The following C8B variants were observed in gnomAD, a reference collection of about 807,000 sequenced individuals.
C8B encodes the protein complement component C8 beta chain.
C8B carries 67 observed loss-of-function variants against 64.6 expected under a neutral mutation model. That is an observed-to-expected ratio of 1.04 (90% CI 0.85 to 1.27). The LOEUF (loss-of-function observed/expected upper bound fraction) is 1.27. Ranked by LOEUF, C8B falls within the 50% of genes most tolerant of loss-of-function variation. The pLI is 0.00. For synonymous variants in C8B, 284 were observed against 257.7 expected, an observed-to-expected ratio of 1.10 and a Z score of -0.98; for missense variants, 790 against 725.2, an observed-to-expected ratio of 1.09 and a Z score of -1.03.
At position 56,946,071 on chromosome 1, in the gene C8B, AT is replaced by A. The variant is rs1644937882; in HGVS notation, c.865-11del. ...GCAGAAATACGCTTTTCTAAATGAA[AT>A]ACCAACATGGGAAAACCAGACCTTT... On this transcript the variant is annotated splice_polypyrimidine_tract_variant and intron_variant, in intron 6 of 11. Coordinates refer to ENST00000371237, the MANE Select transcript of C8B (RefSeq NM_000066.4). 1 of 1,613,928 alleles carries A rather than the reference AT, an allele frequency of 6.2e-7. No individual in the cohort carries two copies. Among genetic ancestry groups the A allele is most frequent in the Non-Finnish European group, 8.5e-7 (1 of 1,180,010 alleles).
chr1:56,940,732 T>C (rs1644839384), intron 9 of C8B, 117 bp downstream of exon 9: 2 of 1,093,642 alleles, frequency 1.8e-6, no homozygotes. Context: ...CGTATATGTG[T>C]CCCAAAATTA....
chr1:56,965,827 A>G lies in C8B; in HGVS notation c.92+30T>C, dbSNP rs770218443. On this transcript the variant is annotated intron_variant, in intron 1 of 11. Transcript: ENST00000371237. ...CTGCACCTTCCCTGTCATATTATTGATCAGGGAATTATTGGTAACTGTCAC... is the reference window on the plus strand; with the variant it reads ...CTGCACCTTCCCTGTCATATTATTGGTCAGGGAATTATTGGTAACTGTCAC... 3.1e-6 allele frequency: 5 copies of G among 1,607,268 alleles called. No homozygotes were observed. The Admixed American group carries it at 6.7e-5, about 21-fold the overall frequency.
chr1:56,954,627 C>T (rs367724892), intron 4 of C8B, 59 bp downstream of exon 4: 1 of 1,606,020 alleles, frequency 6.2e-7, no homozygotes, highest in Admixed American at 1.7e-5. Context: ...TCTCTATCCG[C>T]CAGAATTCCA....
At chr1:56,959,110 C>T (rs541346372) in intron 2 of C8B, among the ~76,000 whole-genome samples, 6 of 152,176 alleles carry the variant, frequency 3.9e-5, no homozygotes, top group African/African-American at 1.4e-4. Context: ...ACTAGGTGAA[C>T]TCAAGAAGCC....
intron 5 of C8B, among the ~76,000 whole-genome samples, chr1:56,950,479 A>G (rs1645004060): frequency 6.6e-6 from 1 of 152,240 alleles, no homozygotes; most frequent in South Asian, 2.1e-4. Context: ...GGAACTGCCA[A>G]GGGTACTGCC....
intron 7 of C8B, among the ~76,000 whole-genome samples, chr1:56,945,250 A>T (rs1644924288): frequency 6.6e-6 from 1 of 152,212 alleles, no homozygotes; most frequent in Admixed American, 6.5e-5. Flanking sequence ...AATAGGAAAA[A>T]TAGAAAATAT....
At chr1:56,936,773 T>C (rs950851801) in intron 9 of C8B, among the ~76,000 whole-genome samples, 3 of 152,106 alleles carry the variant, frequency 2.0e-5, no homozygotes, top group East Asian at 1.9e-4. Flanking sequence ...TTTCTATTTT[T>C]AGTAGAGATG....
At chr1:56,936,656 A>G (rs1644781079) in intron 9 of C8B, among the ~76,000 whole-genome samples, 1 of 149,936 alleles carries the variant, frequency 6.7e-6, no homozygotes, top group Admixed American at 6.7e-5. Flanking sequence ...GTGCAATGGC[A>G]TGATCTCAGC....
chr1:56,943,288 T>A (rs1468689044), intron 8 of C8B, among the ~76,000 whole-genome samples: 1 of 152,290 alleles, frequency 6.6e-6, no homozygotes, highest in South Asian at 2.1e-4. Flanking sequence ...GCGTACCAGA[T>A]AACTATGTAA....
At chr1:56,937,351 C>T (rs1488454321) in intron 9 of C8B, among the ~76,000 whole-genome samples, 1 of 152,160 alleles carries the variant, frequency 6.6e-6, no homozygotes, top group African/African-American at 2.4e-5. Context: ...ATCCCCCTTG[C>T]CAACACACTT....
chr1:56,949,617 T>C lies in C8B; in HGVS notation c.802A>G (p.Ile268Val). ...TTGCCTCGATCACTTTGACTACTGA[T>C]GCCAAGTTCAAATATTCCAGGTATT... ...FKIPGIFELG[I>V]SSQSDRGKHY... Residue 268 changes from isoleucine (I) to valine (V), a missense_variant, in exon 6 of 12, where the codon ATC becomes GTC. Transcript: ENST00000371237. The C allele has an allele frequency of 5.6e-6, 9 of 1,614,108 alleles. No individual in the cohort carries two copies. Among genetic ancestry groups the C allele is most frequent in the Non-Finnish European group, 7.6e-6 (9 of 1,179,982 alleles).
At chr1:56,945,797 G>T (rs762440140) in intron 7 of C8B, 24 bp downstream of exon 7, 1 of 1,614,022 alleles carries the variant, frequency 6.2e-7, no homozygotes, top group South Asian at 1.1e-5. Flanking sequence ...TTTTAGGAAA[G>T]CCATGGTCCC....
intron 7 of C8B, among the ~76,000 whole-genome samples, chr1:56,944,223 GTTAA>G (rs1644909172): frequency 6.6e-6 from 1 of 152,112 alleles, no homozygotes; most frequent in African/African-American, 2.4e-5. Flanking sequence ...GAAAAAGTGT[GTTAA>G]TTAATTAGTT....
Position 56,945,889 on chromosome 1 carries a change from G to A in C8B, c.1037C>T (p.Thr346Ile). The A allele has an allele frequency of 6.2e-7, 1 of 1,614,110 alleles. No individual in the cohort carries two copies. Among genetic ancestry groups the A allele is most frequent in the Non-Finnish European group, 8.5e-7 (1 of 1,180,012 alleles). Reference sequence around the variant, plus strand: ...ATAAATGCCCCCAAGCACAGCCTCTGTGATGTAGTGGGTCCCAAAATCACG... The same window carrying A: ...ATAAATGCCCCCAAGCACAGCCTCTATGATGTAGTGGGTCCCAAAATCACG... Reference protein sequence around the residue: ...LFRDFGTHYITEAVLGGIYEY... With the variant: ...LFRDFGTHYIIEAVLGGIYEY... Residue 346 changes from threonine to isoleucine, a missense_variant, in exon 7 of 12, where the codon ACA (threonine) becomes ATA (isoleucine). Physicochemically the swap from Thr to Ile is moderately conservative, Grantham distance 89 (BLOSUM62 -1). Transcript: ENST00000371237.
rs111305370 is a variant in C8B at position 56,950,978 on chromosome 1, A to C, written c.666+1070T>G. Among the ~76,000 whole-genome samples, 520 of 152,274 alleles carry C rather than the reference A, an allele frequency of 3.4e-3. 4 individuals carry two copies. The highest frequency in any genetic ancestry group is 3.8e-3 in the Non-Finnish European group (261 of 68,032). ...AGGATGGCACTGGACACCCCAATGG[A>C]GAGTGTGTTTGGCGCTAAGCCAAAT... On this transcript the variant is annotated intron_variant, in intron 5 of 11. Transcript: ENST00000371237.
intron 6 of C8B, 29 bp from the exon 7 acceptor site, chr1:56,946,090 A>G: frequency 4.3e-6 from 7 of 1,613,450 alleles, no homozygotes; most frequent in Non-Finnish European, 5.9e-6. Context: ...TGGGAAAACC[A>G]GACCTTTAAA....
Position 56,933,504 on chromosome 1 carries a change from G to A in C8B, c.1399-16C>T, listed in dbSNP as rs764403758. The A allele has an allele frequency of 1.8e-5, 29 of 1,610,572 alleles. No individual in the cohort carries two copies. In the Middle Eastern group the frequency reaches 6.6e-4, roughly 37 times the overall value. ...GAGGCTCCACCTGGAAAGGGAAAAG[G>A]GCATTTATTTCAAGAGAAAAACATT... On this transcript the variant is annotated splice_polypyrimidine_tract_variant and intron_variant, in intron 9 of 11. Coordinates refer to ENST00000371237, the MANE Select transcript of C8B (RefSeq NM_000066.4).
chr1:56,931,329 C>G (rs778489007), intron 11 of C8B, among the ~76,000 whole-genome samples: 3 of 152,120 alleles, frequency 2.0e-5, no homozygotes, highest in African/African-American at 7.2e-5. Context: ...TCCCTACTCA[C>G]AGATGCAGGG....
In C8B at chr1:56,965,973, A is replaced by T; in HGVS notation, c.-25T>A. ...TTTTCCCAATGTGACAGGAGATGCC[A>T]CAGAGGCTGCTAGACCCATAACAAG... On this transcript the variant is annotated 5_prime_UTR_variant, in exon 1 of 12. Coordinates refer to ENST00000371237, the MANE Select transcript of C8B (RefSeq NM_000066.4). The T allele has an allele frequency of 6.2e-7, 1 of 1,613,196 alleles. No homozygotes were observed. The highest frequency in any genetic ancestry group is 8.5e-7 in the Non-Finnish European group (1 of 1,179,980).
Sources: allele counts gnomAD v4.1 joint callset (sites outside exome capture counted in the v4.1 genomes callset), GRCh38; gene constraint gnomAD v4.1.1; transcripts MANE v1.5; gene names NCBI Gene and HGNC (gene_info 2026-07-23, HGNC 2026-07-21).